Variants in SCP2 observed in about 807,000 individuals in gnomAD.
The protein encoded by SCP2 is sterol carrier protein 2.
SCP2 carries 48 observed loss-of-function variants against 71.4 expected under a neutral mutation model. That is an observed-to-expected ratio of 0.67 (90% CI 0.53 to 0.86). SCP2 has a LOEUF of 0.86. Ranked by LOEUF, SCP2 falls within the 40% of genes least tolerant of loss-of-function variation. The probability of loss-of-function intolerance (pLI) is 0.00; values close to 1 mark genes in which losing one functional copy is unlikely to be tolerated. For synonymous variants in SCP2, 220 were observed against 218.1 expected (o/e 1.01, Z -0.08); for missense variants, 560 against 655.6 (o/e 0.85, Z 1.59).
At chr1:53,014,464 A>G (rs1661197591) in intron 11 of SCP2, among the ~76,000 whole-genome samples, 1 of 152,120 alleles carries the variant, frequency 6.6e-6, no homozygotes, top group Non-Finnish European at 1.5e-5. Flanking sequence ...ATCTGTGAAT[A>G]GGTCTGGAAA....
At chr1:52,950,145 C>T (rs1019940778) in intron 3 of SCP2, among the ~76,000 whole-genome samples, 3 of 149,418 alleles carry the variant, frequency 2.0e-5, no homozygotes, top group Non-Finnish European at 3.0e-5. Context: ...TATTTGAGAC[C>T]GAGTCTCTCT....
chr1:53,041,096 T>C (rs1474727383), intron 14 of SCP2, among the ~76,000 whole-genome samples: 2 of 152,074 alleles, frequency 1.3e-5, no homozygotes, highest in Admixed American at 6.6e-5. Context: ...ACCAGCTCTT[T>C]GGAGGGCTTA....
At chr1:52,976,165 C>T (rs558238612) in intron 7 of SCP2, among the ~76,000 whole-genome samples, 48 of 152,290 alleles carry the variant, frequency 3.2e-4, no homozygotes, top group African/African-American at 1.1e-3. Flanking sequence ...TACATCAAGA[C>T]GTTCACCAAT....
At chr1:53,018,404 A>G (rs967795577) in intron 12 of SCP2, among the ~76,000 whole-genome samples, 42 of 152,306 alleles carry the variant, frequency 2.8e-4, no homozygotes, top group African/African-American at 1.0e-3. Flanking sequence ...AATTGTAGAA[A>G]CAATGATATT....
intron 11 of SCP2, among the ~76,000 whole-genome samples, chr1:53,004,162 G>A (rs543909189): frequency 1.7e-4 from 26 of 152,324 alleles, no homozygotes; most frequent in African/African-American, 6.3e-4. Context: ...CCCAGGTGGG[G>A]TGGAGCTGAA....
chr1:53,030,771 AT>A (rs542388482), intron 13 of SCP2, among the ~76,000 whole-genome samples: 163 of 152,106 alleles, frequency 1.1e-3, no homozygotes, highest in African/African-American at 3.5e-3. Flanking sequence ...GCAGTCCCAG[AT>A]AGCTGTAGTC....
chr1:52,945,744 A>AAT lies in SCP2; in HGVS notation c.128-2250_128-2249dup, dbSNP rs147167752. On this transcript the variant is annotated intron_variant, in intron 2 of 15. Transcript: ENST00000371514. ...GGAAAAGAATGTTTAAGTTGTGCAT[A>AAT]ATATATATATATATATGCCATTATT... 5.0e-3 allele frequency among the ~76,000 whole-genome samples: 735 copies of AAT among 145,706 alleles called. 13 individuals carry two copies. Among genetic ancestry groups the AAT allele is most frequent in the East Asian group, 0.015 (77 of 5,114 alleles).
At chr1:52,993,373 T>A in intron 11 of SCP2, 4 of 1,614,222 alleles carry the variant, frequency 2.5e-6, no homozygotes, top group Non-Finnish European at 3.4e-6. Flanking sequence ...TAAGTTGCCG[T>A]GCTAACTGCC....
intron 12 of SCP2, among the ~76,000 whole-genome samples, chr1:53,022,531 T>C (rs753603787): frequency 6.6e-5 from 10 of 152,212 alleles, no homozygotes; most frequent in Non-Finnish European, 1.3e-4. Context: ...ATTTGAAAAC[T>C]GGGGTCTTTG....
intron 4 of SCP2, among the ~76,000 whole-genome samples, chr1:52,952,864 T>C (rs1197552267): frequency 6.6e-6 from 1 of 152,140 alleles, no homozygotes; most frequent in Admixed American, 6.6e-5. Flanking sequence ...AGTTCTTTTG[T>C]ATATGTATCA....
At chr1:52,970,521 C>T (rs1657371778) in intron 6 of SCP2, among the ~76,000 whole-genome samples, 1 of 152,062 alleles carries the variant, frequency 6.6e-6, no homozygotes, top group Admixed American at 6.5e-5. Context: ...CAAAAGGGAC[C>T]TTGCCCTTTC....
At chr1:53,013,277 G>C (rs1465181474) in intron 11 of SCP2, among the ~76,000 whole-genome samples, 1 of 151,314 alleles carries the variant, frequency 6.6e-6, no homozygotes, top group Non-Finnish European at 1.5e-5. Context: ...CCCCATGCCT[G>C]GCTGATTTAA....
At chr1:52,964,721 T>TA (rs1460348519) in intron 6 of SCP2, among the ~76,000 whole-genome samples, 1 of 152,040 alleles carries the variant, frequency 6.6e-6, no homozygotes, top group Non-Finnish European at 1.5e-5. Context: ...ATGTAATTTT[T>TA]AAAAAATGTA....
chr1:52,978,181 T>C (rs1174509314), intron 8 of SCP2, 36 bp from the exon 9 acceptor site: 2 of 1,606,870 alleles, frequency 1.2e-6, no homozygotes, highest in Non-Finnish European at 1.7e-6. Context: ...GATCAGGTGC[T>C]ACTGGGTGTG....
At chr1:52,959,671 T>C (rs545920517) in intron 5 of SCP2, among the ~76,000 whole-genome samples, 56 of 152,162 alleles carry the variant, frequency 3.7e-4, no homozygotes, top group African/African-American at 1.3e-3. Flanking sequence ...CTTCACGGAA[T>C]TTGTCCAGTT....
intron 2 of SCP2, among the ~76,000 whole-genome samples, chr1:52,945,710 A>G (rs1051429724): frequency 6.6e-6 from 1 of 150,698 alleles, no homozygotes; most frequent in African/African-American, 2.5e-5. Context: ...CTCAAAAAAA[A>G]AATTGTTTGG....
chr1:52,954,928 G>T (rs1572079973), intron 5 of SCP2, 124 bp downstream of exon 5: 3 of 786,636 alleles, frequency 3.8e-6, no homozygotes, highest in Non-Finnish European at 6.7e-6. Flanking sequence ...AGATAATTTT[G>T]TTCAAACTGT....
intron 11 of SCP2, among the ~76,000 whole-genome samples, chr1:53,003,002 T>C (rs1020635466): frequency 6.6e-6 from 1 of 152,202 alleles, no homozygotes; most frequent in Non-Finnish European, 1.5e-5. Flanking sequence ...CCAAAATTTC[T>C]TTTTTACCTT....
chr1:52,993,528 C>T, intron 11 of SCP2: 1 of 1,612,400 alleles, frequency 6.2e-7, no homozygotes, highest in East Asian at 2.2e-5. Flanking sequence ...CTATCTGTGA[C>T]TGAAAAGACC....
Sources: allele counts gnomAD v4.1 joint callset (sites outside exome capture counted in the v4.1 genomes callset), GRCh38; gene constraint gnomAD v4.1.1; transcripts MANE v1.5; gene names NCBI Gene and HGNC (gene_info 2026-07-23, HGNC 2026-07-21).